Variants in RFX3 observed in about 807,000 individuals in gnomAD.
RFX3 encodes the protein transcription factor RFX3.
RFX3 carries 14 observed loss-of-function variants against 98.6 expected under a neutral mutation model. The ratio of observed to expected loss-of-function variants is 0.14; its 90% confidence interval spans 0.09 to 0.22. The LOEUF (loss-of-function observed/expected upper bound fraction) is 0.22. Ranked by LOEUF, RFX3 falls within the 10% of genes least tolerant of loss-of-function variation. The pLI is 1.00. For synonymous variants in RFX3, 383 were observed against 328.4 expected (o/e 1.17, Z -1.80); for missense variants, 639 against 926.9 (o/e 0.69, Z 4.03).
chr9:3,234,071 T>C (rs1011036581), intron 15 of RFX3, among the ~76,000 whole-genome samples: 23 of 152,312 alleles, frequency 1.5e-4, no homozygotes, highest in African/African-American at 5.1e-4. Flanking sequence ...TTCCTCTCTG[T>C]CTCTTTCTCT....
intron 1 of RFX3, among the ~76,000 whole-genome samples, chr9:3,463,631 A>G (rs1051577724): frequency 2.6e-5 from 4 of 152,158 alleles, no homozygotes; most frequent in African/African-American, 9.6e-5. Context: ...AGAATATGTA[A>G]ATATATATAC....
intron 1 of RFX3, among the ~76,000 whole-genome samples, chr9:3,480,956 A>G (rs1484937258): frequency 6.6e-6 from 1 of 152,148 alleles, no homozygotes; most frequent in Non-Finnish European, 1.5e-5. Context: ...AATTATAACC[A>G]TCATCAATTA....
intron 1 of RFX3, among the ~76,000 whole-genome samples, chr9:3,504,817 ATT>A (rs1261249418): frequency 2.1e-5 from 2 of 97,228 alleles, no homozygotes; most frequent in Non-Finnish European, 1.8e-5. Context: ...TAAAATATAT[ATT>A]ATATATAAAA....
chr9:3,362,637 A>G (rs1169234471), intron 2 of RFX3, among the ~76,000 whole-genome samples: 2 of 152,244 alleles, frequency 1.3e-5, no homozygotes, highest in South Asian at 2.1e-4. Flanking sequence ...TGAGGACAGC[A>G]TAAGTGTAAT....
intron 1 of RFX3, among the ~76,000 whole-genome samples, chr9:3,399,932 G>T (rs1201146730): frequency 6.7e-6 from 1 of 148,984 alleles, no homozygotes; most frequent in South Asian, 2.1e-4. Context: ...CTGGATGACA[G>T]AGCAAGACTC....
intron 1 of RFX3, chr9:3,488,643 T>G (rs1201767191): frequency 8.6e-6 from 2 of 232,322 alleles, no homozygotes; most frequent in Admixed American, 1.3e-4. Flanking sequence ...TATACATAAA[T>G]GCAATTACTA....
intron 1 of RFX3, among the ~76,000 whole-genome samples, chr9:3,499,500 A>G (rs576447487): frequency 6.6e-6 from 1 of 152,194 alleles, no homozygotes; most frequent in East Asian, 1.9e-4. Flanking sequence ...ACACTTAATA[A>G]ATTATTCACA....
At chr9:3,452,338 C>G (rs118143937) in intron 1 of RFX3, 1 of 323,122 alleles carries the variant, frequency 3.1e-6, no homozygotes, top group African/African-American at 2.2e-5. Context: ...TGCCTGTAAT[C>G]TCAGTGCTTT....
intron 2 of RFX3, among the ~76,000 whole-genome samples, chr9:3,375,787 C>T (rs1406729226): frequency 1.3e-5 from 2 of 151,904 alleles, no homozygotes; most frequent in East Asian, 1.9e-4. Flanking sequence ...GGTGAAACCC[C>T]GCCTCTACTA....
At chr9:3,523,970 C>T (rs1818970811) in intron 1 of RFX3, among the ~76,000 whole-genome samples, 1 of 152,064 alleles carries the variant, frequency 6.6e-6, no homozygotes, top group African/African-American at 2.4e-5. Context: ...AAATATTAGC[C>T]TTAATAGCAT....
intron 3 of RFX3, among the ~76,000 whole-genome samples, chr9:3,345,408 G>C (rs1834346811): frequency 6.6e-6 from 1 of 152,180 alleles, no homozygotes. Flanking sequence ...TGGAAAGTTA[G>C]ATTTTATTTT....
At chr9:3,256,068 G>A (rs1307903092) in intron 14 of RFX3, among the ~76,000 whole-genome samples, 5 of 152,062 alleles carry the variant, frequency 3.3e-5, no homozygotes, top group South Asian at 4.2e-4. Context: ...CCGGGTTCAC[G>A]CCATTCTCCT....
At chr9:3,281,957 A>C (rs1825966168) in intron 7 of RFX3, among the ~76,000 whole-genome samples, 2 of 151,816 alleles carry the variant, frequency 1.3e-5, no homozygotes, top group Admixed American at 1.3e-4. Context: ...AATCCTTTCA[A>C]AGTGGCTGAA....
chr9:3,518,473 A>G (rs1342992877), intron 1 of RFX3, among the ~76,000 whole-genome samples: 4 of 152,192 alleles, frequency 2.6e-5, no homozygotes, highest in Admixed American at 2.0e-4. Context: ...AGTGACACAG[A>G]CAAACATCTG....
intron 2 of RFX3, among the ~76,000 whole-genome samples, chr9:3,378,361 A>G (rs1838778554): frequency 6.6e-6 from 1 of 152,166 alleles, no homozygotes; most frequent in Non-Finnish European, 1.5e-5. Flanking sequence ...TTAAAATCAG[A>G]CTACATAATC....
chr9:3,395,306 G>C (rs1482443740), intron 2 of RFX3, among the ~76,000 whole-genome samples, 166 bp downstream of exon 2: 2 of 152,272 alleles, frequency 1.3e-5, no homozygotes, highest in Admixed American at 6.5e-5. Flanking sequence ...AAAGAACCTG[G>C]CACATCCAAG....
rs550201161 is a variant in RFX3 at position 3,391,834 on chromosome 9, G to A, written c.117+3638C>T. 1.7e-4 allele frequency among the ~76,000 whole-genome samples: 26 copies of A among 152,228 alleles called. No individual in the cohort carries two copies. The Middle Eastern group carries it at 0.014, about 80-fold the overall frequency. The stretch of plus-strand genomic sequence containing the variant: ...CCTCTACCAACCCCTACGCAGTAAG[G>A]TAACTGGCTTTCCCTAACTTTAGTA... On this transcript the variant is annotated intron_variant, in intron 2 of 16. Coordinates refer to ENST00000617270, the MANE Select transcript of RFX3 (RefSeq NM_001282116.2).
chr9:3,235,258 A>C (rs920110272), intron 15 of RFX3, among the ~76,000 whole-genome samples: 1 of 152,198 alleles, frequency 6.6e-6, no homozygotes, highest in African/African-American at 2.4e-5. Flanking sequence ...AGTTTTCCAT[A>C]GGTAAAAGCA....
At chr9:3,504,825 TAA>T (rs1228567419) in intron 1 of RFX3, among the ~76,000 whole-genome samples, 10 of 47,250 alleles carry the variant, frequency 2.1e-4, no homozygotes, top group African/African-American at 7.1e-4. Context: ...ATATTATATA[TAA>T]AATATGTATA....
Sources: allele counts gnomAD v4.1 joint callset (sites outside exome capture counted in the v4.1 genomes callset), GRCh38; gene constraint gnomAD v4.1.1; transcripts MANE v1.5; gene names NCBI Gene and HGNC (gene_info 2026-07-23, HGNC 2026-07-21).